PCDHGA2: variants seen among roughly 807,000 people sequenced by gnomAD.
The protein encoded by PCDHGA2 is protocadherin gamma subfamily A, 2.
In PCDHGA2, 40 loss-of-function variants were observed where a neutral mutation model predicts 59.2. The observed-to-expected ratio is 0.68, with a 90% CI of 0.52 to 0.88. The LOEUF (loss-of-function observed/expected upper bound fraction) is 0.88. PCDHGA2 is among the 40% of genes least tolerant of loss of function. The pLI is 0.00. For missense variants in PCDHGA2, 1,226 were observed against 1,204.0 expected (o/e 1.02, Z -0.27); for synonymous variants, 560 against 526.0 (o/e 1.06, Z -0.89).
intron 1 of PCDHGA2, chr5:141,409,182 T>C: frequency 6.2e-7 from 1 of 1,614,006 alleles, no homozygotes; most frequent in East Asian, 2.2e-5. Context: ...GGAGGTGGTC[T>C]CTCTACCCAG....
chr5:141,356,496 G>C, intron 1 of PCDHGA2: 1 of 1,613,960 alleles, frequency 6.2e-7, no homozygotes. Context: ...CTCCTCCACT[G>C]TCTACAGAAA....
chr5:141,476,123 C>G lies in PCDHGA2; in HGVS notation c.2425-18684C>G. Reference sequence around the variant, plus strand: ...GGAACTGCTTTTGAGTGAGATGGTCCCAGAGGCCTGGAGGAGCGGACTGGT... The same window carrying G: ...GGAACTGCTTTTGAGTGAGATGGTCGCAGAGGCCTGGAGGAGCGGACTGGT... On this transcript the variant is annotated intron_variant, in intron 1 of 3. Coordinates refer to ENST00000394576, the MANE Select transcript of PCDHGA2 (RefSeq NM_018915.4). This position sits in a 1 kb window ranked among gnomAD's most constrained non-coding sequence, Gnocchi z 7.6. 1 of 1,602,442 alleles carries G rather than the reference C, an allele frequency of 6.2e-7. No individual in the cohort carries two copies. The highest frequency in any genetic ancestry group is 8.5e-7 in the Non-Finnish European group (1 of 1,176,022).
intron 1 of PCDHGA2, among the ~76,000 whole-genome samples, chr5:141,425,459 C>A (rs2096876834): frequency 6.6e-6 from 1 of 152,200 alleles, no homozygotes; most frequent in African/African-American, 2.4e-5. Flanking sequence ...CATCACATTT[C>A]ATGTTATTAA....
chr5:141,447,851 C>T (rs961725006), intron 1 of PCDHGA2, among the ~76,000 whole-genome samples: 1 of 151,980 alleles, frequency 6.6e-6, no homozygotes, highest in East Asian at 1.9e-4. Flanking sequence ...TTTGGGAGGC[C>T]GAGGTGGGTG....
chr5:141,343,938 G>A, intron 1 of PCDHGA2: 1 of 1,155,512 alleles, frequency 8.7e-7, no homozygotes, highest in African/African-American at 1.6e-5. Flanking sequence ...CTGTGAATTA[G>A]GCCCGTAAAA....
intron 1 of PCDHGA2, chr5:141,389,423 C>T: frequency 1.9e-6 from 3 of 1,613,516 alleles, no homozygotes; most frequent in Admixed American, 1.7e-5. Context: ...GGGTGGTGTT[C>T]GCGCAGCGCG....
chr5:141,339,369 T>C lies in PCDHGA2; in HGVS notation c.398T>C (p.Phe133Ser), dbSNP rs144608740. 2.5e-5 allele frequency: 41 copies of C among 1,614,212 alleles called. No individual in the cohort carries two copies. The African/African-American group carries it at 4.5e-4, about 18-fold the overall frequency. Residue 133 changes from phenylalanine to serine, a missense_variant, in exon 1 of 4, where the codon TTT becomes TCT. Physicochemically the swap from Phe to Ser is radical, Grantham distance 155 (BLOSUM62 -2). Coordinates refer to ENST00000394576, the MANE Select transcript of PCDHGA2 (RefSeq NM_018915.4). ...ITDINDNAPR[F>S]GVEELELKIS... is the part of the protein sequence containing the mutation. ...GATATTAACGATAATGCCCCTCGCT[T>C]TGGAGTAGAGGAACTGGAGCTAAAA...
At chr5:141,503,729 G>C (rs531112359) in intron 2 of PCDHGA2, among the ~76,000 whole-genome samples, 1 of 152,190 alleles carries the variant, frequency 6.6e-6, no homozygotes, top group East Asian at 1.9e-4. Flanking sequence ...CTTTATGTTT[G>C]TTGTGATGGT....
chr5:141,433,228 C>G (rs2097577964), intron 1 of PCDHGA2: 7 of 1,522,184 alleles, frequency 4.6e-6, no homozygotes, highest in Non-Finnish European at 5.4e-6. Flanking sequence ...TTTAATTGCT[C>G]TGTCTCCCAA....
chr5:141,403,040 C>CA (rs1195249780), intron 1 of PCDHGA2: 1 of 1,613,950 alleles, frequency 6.2e-7, no homozygotes, highest in Non-Finnish European at 8.5e-7. Flanking sequence ...CAGGGCCAGT[C>CA]AGATTCGCTA....
At position 141,491,369 on chromosome 5, in the gene PCDHGA2, CCTTT is replaced by C; in HGVS notation, c.2425-3435_2425-3432del. ...AGTCTCTTATCCCTAGTCACCTTCACCTTTCTGTCAGCGAAGTGCCTTCAGGGAA... is the reference window on the plus strand; with the variant it reads ...AGTCTCTTATCCCTAGTCACCTTCACCTGTCAGCGAAGTGCCTTCAGGGAA... On this transcript the variant is annotated intron_variant, in intron 1 of 3. Transcript: ENST00000394576. The surrounding 1 kb of genome is among the most constrained non-coding windows in gnomAD (Gnocchi z 6.9). 1 of 1,614,110 alleles carries C rather than the reference CCTTT, an allele frequency of 6.2e-7. No individual in the cohort carries two copies. Among genetic ancestry groups the C allele is most frequent in the Non-Finnish European group, 8.5e-7 (1 of 1,179,996 alleles).
intron 1 of PCDHGA2, chr5:141,374,262 C>T (rs369097101): frequency 6.2e-7 from 1 of 1,613,942 alleles, no homozygotes; most frequent in Non-Finnish European, 8.5e-7. Flanking sequence ...CAGGAGTTGG[C>T]GGAGCACGGA....
Position 141,418,806 on chromosome 5 carries a change from C to T in PCDHGA2, c.2425-76001C>T, listed in dbSNP as rs200530054. The T allele has an allele frequency of 3.0e-5, 49 of 1,613,694 alleles. No individual in the cohort carries two copies. In the African/African-American group the frequency reaches 5.9e-4, roughly 19 times the overall value. On this transcript the variant is annotated intron_variant, in intron 1 of 3. Transcript: ENST00000394576. ...GATTTTGAAGAAGTAGAAAGATATA[C>T]GATAAACATAGAAGCAAAAGACCGA...
In PCDHGA2 at chr5:141,476,335, C is replaced by A; in HGVS notation, c.2425-18472C>A. On this transcript the variant is annotated intron_variant, in intron 1 of 3. Coordinates refer to ENST00000394576, the MANE Select transcript of PCDHGA2 (RefSeq NM_018915.4). The surrounding 1 kb of genome is among the most constrained non-coding windows in gnomAD (Gnocchi z 7.6). Reference sequence around the variant, plus strand: ...GGTTCCGGGTGGTGTCTGGAGCTAGCCGAAGATTCTTTGAGGTGAACCGGG... The same window carrying A: ...GGTTCCGGGTGGTGTCTGGAGCTAGACGAAGATTCTTTGAGGTGAACCGGG... 2 of 1,614,120 alleles carry A rather than the reference C, an allele frequency of 1.2e-6. No individual in the cohort carries two copies. Among genetic ancestry groups the A allele is most frequent in the Non-Finnish European group, 1.7e-6 (2 of 1,180,026 alleles).
rs1561857042 is a variant in PCDHGA2, at chr5:141,432,038, C to CG, written c.2425-62765dup. 3 of 1,614,190 alleles carry CG rather than the reference C, an allele frequency of 1.9e-6. No individual in the cohort carries two copies. The highest frequency in any genetic ancestry group is 2.5e-6 in the Non-Finnish European group (3 of 1,180,032). Reference sequence around the variant, plus strand: ...CAACATCACAGTGACCGCCACTGACCGGGGAACCCCGCCCCTATCCACGGA... The same window carrying CG: ...CAACATCACAGTGACCGCCACTGACCGGGGGAACCCCGCCCCTATCCACGGA... On this transcript the variant is annotated intron_variant, in intron 1 of 3. Transcript: ENST00000394576. The surrounding 1 kb of genome is among the most constrained non-coding windows in gnomAD (Gnocchi z 6.0).
rs1239203203 is a variant in PCDHGA2 at position 141,403,933 on chromosome 5, G to T, written c.2424+62538G>T. 1.7e-5 allele frequency: 27 copies of T among 1,613,792 alleles called. No homozygotes were observed. The highest frequency in any genetic ancestry group is 1.6e-4 in the African/African-American group (12 of 74,902). ...TACAAGCTGAAGATGGTGGGGGATT[G>T]AAAGGGTGGACAAAAGTGCTCATTT... On this transcript the variant is annotated intron_variant, in intron 1 of 3. Transcript: ENST00000394576.
chr5:141,501,141 A>G (rs940603527), intron 2 of PCDHGA2, among the ~76,000 whole-genome samples: 8 of 152,184 alleles, frequency 5.3e-5, no homozygotes, highest in Admixed American at 5.2e-4. Context: ...TGCTGGGATT[A>G]CAGGTGGGAG....
rs980172909 is a variant in PCDHGA2, at chr5:141,485,917, G to A, written c.2425-8890G>A. On this transcript the variant is annotated intron_variant, in intron 1 of 3. Transcript: ENST00000394576. The surrounding 1 kb of genome is among the most constrained non-coding windows in gnomAD (Gnocchi z 5.7). ...CAGCCTTCCAGCAATCCAGCTACAGGATTAGTGTGTTGGAGAGCGCACCAG... is the reference window on the plus strand; with the variant it reads ...CAGCCTTCCAGCAATCCAGCTACAGAATTAGTGTGTTGGAGAGCGCACCAG... The A allele has an allele frequency of 2.6e-5, 42 of 1,614,078 alleles. No homozygotes were observed. Among genetic ancestry groups the A allele is most frequent in the Non-Finnish European group, 3.5e-5 (41 of 1,180,050 alleles).
chr5:141,384,261 C>G (rs1561601309), intron 1 of PCDHGA2: 1 of 1,613,910 alleles, frequency 6.2e-7, no homozygotes, highest in East Asian at 2.2e-5. Context: ...CCTTCCCCCA[C>G]TCATCCTACT....
Sources: gnomAD v4.1 joint callset for allele counts (sites outside exome capture counted in the v4.1 genomes callset) on GRCh38, gnomAD v4.1.1 for gene constraint, Gnocchi (gnomAD v3.1) non-coding constraint, MANE v1.5 for transcripts, NCBI Gene and HGNC (gene_info 2026-07-23, HGNC 2026-07-21) for gene names.